Variants in DSCAM observed in about 807,000 individuals in gnomAD.
The protein encoded by DSCAM is DS cell adhesion molecule, also known as cell adhesion molecule DSCAM.
A neutral mutation model predicts 217.7 loss-of-function variants in DSCAM; 47 were observed. That is an observed-to-expected ratio of 0.22 (90% CI 0.17 to 0.28). The LOEUF is 0.28. DSCAM is among the 10% of genes least tolerant of loss of function. The pLI is 1.00. For missense variants in DSCAM, 2,080 were observed against 2,618.3 expected, an observed-to-expected ratio of 0.79 and a Z score of 4.49; for synonymous variants, 1,056 against 1,015.3, an observed-to-expected ratio of 1.04 and a Z score of -0.76.
chr21:40,349,136 C>CAAAAAAAAAAAAAAAAAAAAAAAAAAA (rs758386936), intron 5 of DSCAM, among the ~76,000 whole-genome samples: 662 of 38,516 alleles, frequency 0.017, 70 homozygotes, highest in Non-Finnish European at 0.024. Context: ...GACTCCATCT[C>CAAAAAAAAAAAAAAAAAAAAAAAAAAA]AAAAAAAAAA....
At chr21:40,432,239 T>TAA (rs1241422213) in intron 3 of DSCAM, among the ~76,000 whole-genome samples, 1 of 151,642 alleles carries the variant, frequency 6.6e-6, no homozygotes, top group African/African-American at 2.4e-5. Context: ...AATAAATAAA[T>TAA]ATCTTCTTCT....
At chr21:40,338,061 A>G (rs747210050) in intron 8 of DSCAM, 40 bp downstream of exon 8, 3 of 1,602,348 alleles carry the variant, frequency 1.9e-6, no homozygotes, top group African/African-American at 2.7e-5. Context: ...TAGTCGGGCT[A>G]TGGAATGAGT....
chr21:40,319,806 C>G (rs751597703), intron 8 of DSCAM, among the ~76,000 whole-genome samples: 2 of 152,156 alleles, frequency 1.3e-5, no homozygotes, highest in Non-Finnish European at 2.9e-5. Context: ...TCACAATTCT[C>G]ACTCAGAGTG....
intron 11 of DSCAM, among the ~76,000 whole-genome samples, chr21:40,268,080 T>C (rs1169961236): frequency 6.6e-6 from 1 of 152,222 alleles, no homozygotes; most frequent in African/African-American, 2.4e-5. Flanking sequence ...TTGCCCTTGC[T>C]AATTCATTTG....
At chr21:40,398,747 G>A (rs1047654045) in intron 3 of DSCAM, among the ~76,000 whole-genome samples, 3 of 148,650 alleles carry the variant, frequency 2.0e-5, no homozygotes, top group African/African-American at 7.4e-5. Flanking sequence ...CGATTCTACT[G>A]CCTCAACCTC....
intron 11 of DSCAM, among the ~76,000 whole-genome samples, chr21:40,228,619 T>A (rs75481916): frequency 0.029 from 4,409 of 151,794 alleles, 206 homozygotes; most frequent in East Asian, 0.14. Context: ...TATTTTATCC[T>A]TTCTTTCCCC....
chr21:40,435,529 T>A (rs2075575064), intron 3 of DSCAM, among the ~76,000 whole-genome samples: 1 of 130,360 alleles, frequency 7.7e-6, no homozygotes, highest in Non-Finnish European at 1.6e-5. Flanking sequence ...TAATACAAAT[T>A]TAAAAACTGT....
At chr21:40,660,242 G>A (rs1484599212) in intron 3 of DSCAM, among the ~76,000 whole-genome samples, 1 of 152,088 alleles carries the variant, frequency 6.6e-6, no homozygotes, top group East Asian at 1.9e-4. Context: ...ATCGTATACT[G>A]TGCCCTCTCT....
chr21:40,491,647 C>A (rs2076077054), intron 3 of DSCAM, among the ~76,000 whole-genome samples: 1 of 152,168 alleles, frequency 6.6e-6, no homozygotes, highest in South Asian at 2.1e-4. Context: ...TAAACACCCC[C>A]ACACCCAATT....
chr21:40,647,083 C>T (rs2837758), intron 3 of DSCAM, among the ~76,000 whole-genome samples: 57,958 of 152,138 alleles, frequency 0.38, 11,869 homozygotes, highest in East Asian at 0.6. Flanking sequence ...AAATTTATCA[C>T]TGTGAGAACA....
intron 3 of DSCAM, among the ~76,000 whole-genome samples, chr21:40,675,669 TAAAC>T (rs201243328): frequency 4.0e-5 from 6 of 151,830 alleles, no homozygotes; most frequent in African/African-American, 9.6e-5. Context: ...TAGTCACAAA[TAAAC>T]AAATAAATCT....
intron 11 of DSCAM, among the ~76,000 whole-genome samples, chr21:40,244,984 A>C (rs977055107): frequency 1.3e-4 from 18 of 142,882 alleles, no homozygotes; most frequent in South Asian, 2.5e-4. Context: ...GGGAATCTAC[A>C]GGAAGAAAAT....
chr21:40,307,530 C>G lies in DSCAM; in HGVS notation c.2062+4551G>C, dbSNP rs891724808. ...CATTGTGAAAGTCAGTGTGGCGATT[C>G]CTCAGGGATCTAGAACTAGAAATAC... On this transcript the variant is annotated intron_variant, in intron 9 of 32. Coordinates refer to ENST00000400454, the MANE Select transcript of DSCAM (RefSeq NM_001389.5). 9.9e-5 allele frequency among the ~76,000 whole-genome samples: 15 copies of G among 152,256 alleles called. No individual in the cohort carries two copies. In the South Asian group the frequency reaches 1.7e-3, roughly 17 times the overall value.
intron 3 of DSCAM, among the ~76,000 whole-genome samples, chr21:40,406,771 G>T (rs2075282810): frequency 6.6e-6 from 1 of 151,954 alleles, no homozygotes; most frequent in Admixed American, 6.6e-5. Flanking sequence ...TGTGTTTTTT[G>T]TTCTTCTTCT....
chr21:40,426,686 C>T (rs1021013665), intron 3 of DSCAM, among the ~76,000 whole-genome samples: 1 of 152,156 alleles, frequency 6.6e-6, no homozygotes, highest in Non-Finnish European at 1.5e-5. Context: ...AGGCATAACT[C>T]AAAGGGCTGG....
chr21:40,402,567 G>A (rs538013042), intron 3 of DSCAM, among the ~76,000 whole-genome samples: 4 of 151,890 alleles, frequency 2.6e-5, no homozygotes, highest in South Asian at 2.1e-4. Context: ...ATATTTCCAA[G>A]TGATACTGCT....
intron 3 of DSCAM, among the ~76,000 whole-genome samples, chr21:40,686,805 G>A (rs369293337): frequency 2.6e-5 from 4 of 152,104 alleles, no homozygotes; most frequent in African/African-American, 9.7e-5. Flanking sequence ...GTCACACAGG[G>A]GCTCTCCAGA....
intron 27 of DSCAM, among the ~76,000 whole-genome samples, chr21:40,072,539 G>A (rs913397706): frequency 8.6e-5 from 13 of 151,762 alleles, no homozygotes; most frequent in South Asian, 4.2e-4. Flanking sequence ...TAGTAGAGAC[G>A]GGGTTTCACC....
chr21:40,135,187 G>A (rs560106487), intron 18 of DSCAM, among the ~76,000 whole-genome samples: 1 of 152,272 alleles, frequency 6.6e-6, no homozygotes, highest in African/African-American at 2.4e-5. Context: ...CCCAGAGCAG[G>A]CCGGTTACCC....
Sources: gnomAD v4.1 joint callset for allele counts (sites outside exome capture counted in the v4.1 genomes callset) on GRCh38, gnomAD v4.1.1 for gene constraint, MANE v1.5 for transcripts, NCBI Gene and HGNC (gene_info 2026-07-23, HGNC 2026-07-21) for gene names.